The following PPARGC1B variants were observed in gnomAD, a reference collection of about 807,000 sequenced individuals.
The protein encoded by PPARGC1B is PPARG coactivator 1 beta.
A neutral mutation model predicts 101.6 loss-of-function variants in PPARGC1B; 34 were observed. The ratio of observed to expected loss-of-function variants is 0.33; its 90% CI spans 0.25 to 0.45. The LOEUF (loss-of-function observed/expected upper bound fraction) is 0.45, where lower values mean the gene tolerates loss of function less well. Ranked by LOEUF, PPARGC1B falls within the 20% of genes least tolerant of loss-of-function variation. The pLI, the probability that PPARGC1B is intolerant of heterozygous loss-of-function variation, is 1.00. For synonymous variants in PPARGC1B, 548 were observed against 539.3 expected (o/e 1.02, Z -0.22); for missense variants, 1,234 against 1,317.6 (o/e 0.94, Z 0.98).
chr5:149,846,229 A>G (rs1581128043), intron 11 of PPARGC1B: 1 of 557,458 alleles, frequency 1.8e-6, no homozygotes, highest in South Asian at 2.6e-5. Context: ...TTGACTTCAC[A>G]GGGCCAGCTG....
intron 1 of PPARGC1B, among the ~76,000 whole-genome samples, chr5:149,750,031 A>G (rs1261383627): frequency 3.3e-5 from 5 of 152,200 alleles, no homozygotes; most frequent in African/African-American, 7.2e-5. Context: ...ATGTCAGTGT[A>G]GGTTCTTAAC....
intron 1 of PPARGC1B, among the ~76,000 whole-genome samples, chr5:149,803,450 C>T (rs1294707504): frequency 6.6e-6 from 1 of 152,162 alleles, no homozygotes; most frequent in Non-Finnish European, 1.5e-5. Flanking sequence ...CCCTGAGACC[C>T]ACCAGTCCTA....
At chr5:149,736,594 T>C (rs183105383) in intron 1 of PPARGC1B, among the ~76,000 whole-genome samples, 27 of 152,334 alleles carry the variant, frequency 1.8e-4, no homozygotes, top group East Asian at 7.7e-4. Flanking sequence ...TGTCTGTTTG[T>C]AACTAGATTC....
chr5:149,770,992 G>T (rs896765622), intron 1 of PPARGC1B, among the ~76,000 whole-genome samples: 1 of 152,138 alleles, frequency 6.6e-6, no homozygotes, highest in African/African-American at 2.4e-5. Context: ...TGTGGGTGGG[G>T]CTACTCTGCA....
rs1038765466 is a variant in PPARGC1B, at chr5:149,854,442, A to G, written c.*6884A>G. 1 of 152,110 alleles carries G rather than the reference A, an allele frequency of 6.6e-6. No homozygotes were observed. Among genetic ancestry groups the G allele is most frequent in the Admixed American group, 6.6e-5 (1 of 15,256 alleles). The allele number at this position is 152,110 out of a possible 1,614,324, so 9.4% of individuals were successfully genotyped here. ...TGATGCATTTATTGAGAAAGGTGCA[A>G]GAATTTCACCTACACAGAGGGACAC... On this transcript the variant is annotated 3_prime_UTR_variant, in exon 12 of 12. Transcript: ENST00000309241.
At chr5:149,768,180 C>T (rs1437875802) in intron 1 of PPARGC1B, among the ~76,000 whole-genome samples, 1 of 152,156 alleles carries the variant, frequency 6.6e-6, no homozygotes, top group African/African-American at 2.4e-5. Context: ...CCGGATATTC[C>T]GCCTTGATTT....
rs1238274706 is a variant in PPARGC1B, at chr5:149,837,901, C to T, written c.2618+828C>T. Among the ~76,000 whole-genome samples, 1 of 152,082 alleles carries T rather than the reference C, an allele frequency of 6.6e-6. No homozygotes were observed. The highest frequency in any genetic ancestry group is 2.4e-5 in the African/African-American group (1 of 41,410). On this transcript the variant is annotated intron_variant, in intron 8 of 11. Coordinates refer to ENST00000309241, the MANE Select transcript of PPARGC1B (RefSeq NM_133263.4). The surrounding 1 kb of genome is among the most constrained non-coding windows in gnomAD (Gnocchi z 4.2). ...TGGGCTAGAGCCCAGCTGCCGAATC[C>T]GCTGCAGGATTTGTTGCGCCTCCAC...
chr5:149,739,184 C>T (rs1399768293), intron 1 of PPARGC1B, among the ~76,000 whole-genome samples: 1 of 152,222 alleles, frequency 6.6e-6, no homozygotes, highest in Non-Finnish European at 1.5e-5. Context: ...GGTGAATCCC[C>T]ATCCCTCCAT....
At chr5:149,754,749 C>A (rs950094970) in intron 1 of PPARGC1B, among the ~76,000 whole-genome samples, 41 of 148,796 alleles carry the variant, frequency 2.8e-4, no homozygotes, top group African/African-American at 9.9e-4. Context: ...ATGTGGCAAC[C>A]TGCAGTTTCT....
chr5:149,821,264 G>A (rs1368444041), intron 2 of PPARGC1B, among the ~76,000 whole-genome samples: 1 of 152,194 alleles, frequency 6.6e-6, no homozygotes, highest in African/African-American at 2.4e-5. Flanking sequence ...AAGAGGGAGT[G>A]CCAAGAACCA....
intron 1 of PPARGC1B, among the ~76,000 whole-genome samples, chr5:149,806,846 G>A (rs950593448): frequency 7.2e-5 from 11 of 151,918 alleles, no homozygotes; most frequent in African/African-American, 2.7e-4. Context: ...TCCTCAGGCC[G>A]TCCACCCACC....
At chr5:149,814,360 G>A (rs971947419) in intron 1 of PPARGC1B, among the ~76,000 whole-genome samples, 23 of 152,278 alleles carry the variant, frequency 1.5e-4, no homozygotes, top group African/African-American at 3.1e-4. Flanking sequence ...TGAGTTCTGC[G>A]TGTTTCCCCC....
chr5:149,838,204 C>T (rs960814688), intron 8 of PPARGC1B, among the ~76,000 whole-genome samples: 2 of 152,046 alleles, frequency 1.3e-5, no homozygotes, highest in Non-Finnish European at 2.9e-5. Context: ...TGTTTGAAAA[C>T]CTGATTAAAG....
chr5:149,769,885 G>A (rs1756060286), intron 1 of PPARGC1B, among the ~76,000 whole-genome samples: 2 of 152,092 alleles, frequency 1.3e-5, no homozygotes, highest in Admixed American at 1.3e-4. Context: ...AAGACCCTCT[G>A]ATCACACTAG....
intron 1 of PPARGC1B, among the ~76,000 whole-genome samples, chr5:149,732,139 G>GCCGTCGTCGCCGGGCT (rs1754517439): frequency 1.3e-5 from 2 of 151,972 alleles, no homozygotes; most frequent in African/African-American, 4.8e-5. Flanking sequence ...TGGAGCTCCC[G>GCCGTCGTCGCCGGGCT]CCGTCGTCGC....
downstream of PPARGC1B, among the ~76,000 whole-genome samples, chr5:149,855,701 C>T (rs560525259): frequency 6.6e-6 from 1 of 152,314 alleles, no homozygotes; most frequent in East Asian, 1.9e-4. Flanking sequence ...TATTTCCTCA[C>T]GTCTCAAAGG....
chr5:149,802,271 G>T (rs1050134719), intron 1 of PPARGC1B, among the ~76,000 whole-genome samples: 1 of 152,156 alleles, frequency 6.6e-6, no homozygotes, highest in Non-Finnish European at 1.5e-5. Context: ...TGTGGCCCTC[G>T]CTCCTCCGTC....
chr5:149,746,996 C>G (rs1755117556), intron 1 of PPARGC1B, among the ~76,000 whole-genome samples: 2 of 152,116 alleles, frequency 1.3e-5, no homozygotes, highest in Admixed American at 1.3e-4. Flanking sequence ...ATTTGAGATA[C>G]TAATCTCATC....
chr5:149,854,745 G>A lies in PPARGC1B; in HGVS notation c.*7187G>A, dbSNP rs1468040730. 6.6e-6 allele frequency: 1 copy of A among 152,012 alleles called. No individual in the cohort carries two copies. The highest frequency in any genetic ancestry group is 1.9e-4 in the East Asian group (1 of 5,190). The allele number at this position is 152,012 out of a possible 1,614,324, so 9.4% of individuals were successfully genotyped here. On this transcript the variant is annotated 3_prime_UTR_variant, in exon 12 of 12. Transcript: ENST00000309241. Reference sequence around the variant, plus strand: ...TGTCTTACCTTCTAAATGAGAAAATGTTTTCTTGTATTTGTACATTGTCAG... The same window carrying A: ...TGTCTTACCTTCTAAATGAGAAAATATTTTCTTGTATTTGTACATTGTCAG...
Sources: gnomAD v4.1 joint callset for allele counts (sites outside exome capture counted in the v4.1 genomes callset) on GRCh38, gnomAD v4.1.1 for gene constraint, Gnocchi (gnomAD v3.1) non-coding constraint, MANE v1.5 for transcripts, NCBI Gene and HGNC (gene_info 2026-07-23, HGNC 2026-07-21) for gene names.